The following THADA variants were observed in gnomAD, a reference collection of about 807,000 sequenced individuals.
THADA encodes the protein tRNA (32-2'-O)-methyltransferase regulator THADA.
In THADA, 213 loss-of-function variants were observed where a neutral mutation model predicts 219.8. The observed-to-expected ratio is 0.97, with a 90% CI of 0.87 to 1.09. THADA has a LOEUF of 1.09. THADA is among the 50% of genes least tolerant of loss of function. The pLI, the probability that THADA is intolerant of heterozygous loss-of-function variation, is 0.00. For synonymous variants in THADA, 1,018 were observed against 828.9 expected, an observed-to-expected ratio of 1.23 and a Z score of -3.92; for missense variants, 2,956 against 2,311.3, an observed-to-expected ratio of 1.28 and a Z score of -5.72.
intron 36 of THADA, among the ~76,000 whole-genome samples, chr2:43,266,802 C>T (rs558360315): frequency 9.9e-5 from 15 of 152,134 alleles, no homozygotes; most frequent in African/African-American, 2.9e-4. Context: ...TGGGTAGAAT[C>T]GCGACACTTA....
Position 43,485,314 on chromosome 2 carries a change from T to G in THADA, c.3756A>C (p.Ser1252=), listed in dbSNP as rs759108211. 6.2e-7 allele frequency: 1 copy of G among 1,612,748 alleles called. No individual in the cohort carries two copies. ...FTSPVWAVRN[S]STLLFSALIT... is the part of the protein sequence containing the mutation. ...TCAAGGCACTAAAGAGAAGTGTGGA[T>G]GAATTTCGCACCTAATGTACAAACG... Residue 1252 remains serine (S), a synonymous_variant, in exon 26 of 38, where the codon TCA becomes TCC. Coordinates refer to ENST00000405975, the MANE Select transcript of THADA (RefSeq NM_022065.5).
At chr2:43,370,838 C>T (rs1670715942) in intron 29 of THADA, among the ~76,000 whole-genome samples, 1 of 152,174 alleles carries the variant, frequency 6.6e-6, no homozygotes, top group Non-Finnish European at 1.5e-5. Flanking sequence ...AATCAATGCA[C>T]AGGGGCAAGG....
intron 8 of THADA, among the ~76,000 whole-genome samples, chr2:43,579,193 T>G (rs1051160059): frequency 2.0e-5 from 3 of 152,192 alleles, no homozygotes; most frequent in Admixed American, 6.5e-5. Flanking sequence ...TCCTCTCTCC[T>G]CTAACATACA....
At chr2:43,559,650 C>G (rs1697822945) in intron 16 of THADA, among the ~76,000 whole-genome samples, 1 of 152,198 alleles carries the variant, frequency 6.6e-6, no homozygotes, top group South Asian at 2.1e-4. Flanking sequence ...TCCAACCCCA[C>G]CTTTAATTCC....
At position 43,586,448 on chromosome 2, in the gene THADA, C is replaced by A; in HGVS notation, c.486G>T (p.Val162=). ...TTAAACTCTTCTGCAGAAAATGAAG[C>A]ACTGAAACAAAAAGAATATGACAAA... is the stretch of plus-strand genomic sequence containing the variant. The part of the protein sequence containing the change: ...RASVNNLLKN[V]LHFLQKSLIE... Residue 162 remains valine, a splice_region_variant and synonymous_variant, in exon 7 of 38, where the codon GTG becomes GTT. Coordinates refer to ENST00000405975, the MANE Select transcript of THADA (RefSeq NM_022065.5). The A allele has an allele frequency of 6.4e-7, 1 of 1,572,024 alleles. No homozygotes were observed.
At chr2:43,411,971 T>G (rs142753362) in intron 28 of THADA, among the ~76,000 whole-genome samples, 1 of 152,284 alleles carries the variant, frequency 6.6e-6, no homozygotes, top group East Asian at 1.9e-4. Context: ...ACTGGTCACA[T>G]CTTTCAAAGT....
chr2:43,434,419 G>A (rs967221886), intron 26 of THADA, among the ~76,000 whole-genome samples: 1 of 152,128 alleles, frequency 6.6e-6, no homozygotes, highest in Middle Eastern at 3.2e-3. Context: ...CTGCCTTCGT[G>A]CCCAAATGCT....
intron 36 of THADA, among the ~76,000 whole-genome samples, chr2:43,257,890 A>C (rs568539652): frequency 6.6e-6 from 1 of 152,172 alleles, no homozygotes; most frequent in Non-Finnish European, 1.5e-5. Context: ...ACTAAAAGAG[A>C]AAGTCCAGAG....
intron 26 of THADA, among the ~76,000 whole-genome samples, chr2:43,445,791 A>T (rs1681451920): frequency 6.6e-6 from 1 of 152,246 alleles, no homozygotes; most frequent in Admixed American, 6.5e-5. Flanking sequence ...CTCTTGCCTC[A>T]GCCTCCTAAG....
At chr2:43,390,669 T>C (rs955979192) in intron 29 of THADA, among the ~76,000 whole-genome samples, 11 of 152,242 alleles carry the variant, frequency 7.2e-5, no homozygotes, top group African/African-American at 2.2e-4. Context: ...ATATGTTTTA[T>C]TGAATGTTTA....
intron 29 of THADA, among the ~76,000 whole-genome samples, chr2:43,384,544 G>C (rs138924441): frequency 6.6e-6 from 1 of 152,106 alleles, no homozygotes; most frequent in African/African-American, 2.4e-5. Context: ...ATATTTGTAC[G>C]CTCAATCATG....
rs1667600012 is a variant in THADA at position 43,232,824 on chromosome 2, C to G, written c.5355G>C (p.Leu1785=). The G allele has an allele frequency of 6.2e-7, 1 of 1,612,650 alleles. No individual in the cohort carries two copies. Among genetic ancestry groups the G allele is most frequent in the Non-Finnish European group, 8.5e-7 (1 of 1,179,490 alleles). The change falls in exon 37 of 38, where the codon CTG becomes CTC. Residue 1785 remains leucine (L), a synonymous_variant. Coordinates refer to ENST00000405975, the MANE Select transcript of THADA (RefSeq NM_022065.5). ...SIALALALAV[L]CDLLQQWDQL... Reference sequence around the variant, plus strand: ...GGTCCCACTGCTGGAGCAGATCACACAGGACGGCCAGGGCCAGGGCCAGAG... The same window carrying G: ...GGTCCCACTGCTGGAGCAGATCACAGAGGACGGCCAGGGCCAGGGCCAGAG...
chr2:43,563,714 C>T (rs1698341591), intron 15 of THADA: 1 of 152,080 alleles, frequency 6.6e-6, no homozygotes, highest in Admixed American at 6.5e-5. Context: ...AAGAAAGATG[C>T]ATGCAACTTA....
At chr2:43,316,226 A>G (rs1385176894) in intron 31 of THADA, among the ~76,000 whole-genome samples, 1 of 152,164 alleles carries the variant, frequency 6.6e-6, no homozygotes, top group Non-Finnish European at 1.5e-5. Context: ...AGTAGAAATG[A>G]TCTTTCTTTA....
intron 26 of THADA, among the ~76,000 whole-genome samples, chr2:43,446,959 T>G (rs1038237838): frequency 3.9e-5 from 6 of 152,182 alleles, no homozygotes; most frequent in African/African-American, 1.4e-4. Context: ...CTGTCAGTAT[T>G]TCTTGGCTTA....
chr2:43,319,194 A>C (rs1182208595), intron 31 of THADA, among the ~76,000 whole-genome samples: 1 of 152,246 alleles, frequency 6.6e-6, no homozygotes, highest in Admixed American at 6.5e-5. Context: ...AGTTGACTTA[A>C]GGGTAAGCTG....
At chr2:43,432,621 T>C (rs1679514601) in intron 26 of THADA, among the ~76,000 whole-genome samples, 1 of 152,144 alleles carries the variant, frequency 6.6e-6, no homozygotes, top group African/African-American at 2.4e-5. Flanking sequence ...AATTATACCA[T>C]TTTACACTCC....
At chr2:43,407,070 A>T (rs946414034) in intron 28 of THADA, among the ~76,000 whole-genome samples, 2 of 152,216 alleles carry the variant, frequency 1.3e-5, no homozygotes, top group African/African-American at 4.8e-5. Context: ...CCTTGCAGGC[A>T]GTGGATGGGT....
intron 36 of THADA, among the ~76,000 whole-genome samples, chr2:43,236,354 C>G (rs1668032611): frequency 6.6e-6 from 1 of 152,172 alleles, no homozygotes; most frequent in Non-Finnish European, 1.5e-5. Flanking sequence ...TGCAACCTGC[C>G]AAATTCGGTC....
Sources: allele counts gnomAD v4.1 joint callset (sites outside exome capture counted in the v4.1 genomes callset), GRCh38; gene constraint gnomAD v4.1.1; transcripts MANE v1.5; gene names NCBI Gene and HGNC (gene_info 2026-07-23, HGNC 2026-07-21).